ZSWIM5: variants seen among roughly 807,000 people sequenced by gnomAD.
ZSWIM5 encodes the protein zinc finger SWIM domain-containing protein 5.
ZSWIM5 carries 55 observed loss-of-function variants against 119.6 expected under a neutral mutation model. The ratio of observed to expected loss-of-function variants is 0.46; its 90% CI spans 0.37 to 0.58. The LOEUF (loss-of-function observed/expected upper bound fraction) is 0.58. ZSWIM5 is among the 20% of genes least tolerant of loss of function. The pLI is 0.00. For missense variants in ZSWIM5, 1,193 were observed against 1,512.8 expected (o/e 0.79, Z 3.51); for synonymous variants, 537 against 606.9 (o/e 0.88, Z 1.69).
At chr1:45,046,634 ATGTGTGTGTG>A (rs60762459) in intron 5 of ZSWIM5, among the ~76,000 whole-genome samples, 5 of 147,420 alleles carry the variant, frequency 3.4e-5, no homozygotes, top group East Asian at 4.0e-4. Context: ...TGGGCAAGAT[ATGTGTGTGTG>A]TGTGTGTGTG....
intron 1 of ZSWIM5, among the ~76,000 whole-genome samples, chr1:45,176,151 A>G (rs1645980007): frequency 6.7e-6 from 1 of 148,670 alleles, no homozygotes; most frequent in Admixed American, 6.8e-5. Flanking sequence ...TATATAATAT[A>G]TATTATATAT....
chr1:45,025,877 G>C (rs1644917668), intron 11 of ZSWIM5, among the ~76,000 whole-genome samples: 1 of 152,100 alleles, frequency 6.6e-6, no homozygotes, highest in Admixed American at 6.6e-5. Flanking sequence ...ATTAGTCAGG[G>C]AGCATCTGTG....
intron 1 of ZSWIM5, among the ~76,000 whole-genome samples, chr1:45,104,027 G>A (rs1645455202): frequency 6.6e-6 from 1 of 152,186 alleles, no homozygotes; most frequent in Admixed American, 6.5e-5. Context: ...AAAAGGATAT[G>A]CAAATATATA....
intron 1 of ZSWIM5, among the ~76,000 whole-genome samples, chr1:45,106,499 C>T (rs1198700060): frequency 2.1e-5 from 3 of 144,426 alleles, no homozygotes; most frequent in African/African-American, 7.7e-5. Flanking sequence ...GCCGCTCTTA[C>T]TCTGGGAGGT....
intron 1 of ZSWIM5, among the ~76,000 whole-genome samples, chr1:45,200,306 A>C (rs766346084): frequency 3.9e-5 from 6 of 152,200 alleles, no homozygotes; most frequent in Non-Finnish European, 8.8e-5. Flanking sequence ...TTAAATAAGT[A>C]TGATTTTCTT....
At chr1:45,041,541 C>CTTT (rs10700834) in intron 6 of ZSWIM5, among the ~76,000 whole-genome samples, 9,421 of 144,716 alleles carry the variant, frequency 0.065, 417 homozygotes, top group Non-Finnish European at 0.095. Flanking sequence ...TTTCTAGTAA[C>CTTT]TTTTTTTTTT....
intron 1 of ZSWIM5, among the ~76,000 whole-genome samples, chr1:45,149,772 T>C (rs1223944267): frequency 6.6e-6 from 1 of 152,224 alleles, no homozygotes; most frequent in African/African-American, 2.4e-5. Context: ...ATTTCAAGTT[T>C]ATCACATTCT....
intron 5 of ZSWIM5, among the ~76,000 whole-genome samples, chr1:45,050,053 T>C (rs542974928): frequency 6.6e-6 from 1 of 152,070 alleles, no homozygotes; most frequent in Non-Finnish European, 1.5e-5. Context: ...CCAATAGAGT[T>C]ATTTGAAATA....
chr1:45,043,206 G>C lies in ZSWIM5; in HGVS notation c.1609+13C>G. The C allele has an allele frequency of 6.2e-7, 1 of 1,612,534 alleles. No individual in the cohort carries two copies. Among genetic ancestry groups the C allele is most frequent in the Non-Finnish European group, 8.5e-7 (1 of 1,179,710 alleles). ...GGGTGGCTCTAAAGTTCTTAGAGGA[G>C]GGCTAGACTTACCAAGCCACAGTGG... On this transcript the variant is annotated intron_variant, in intron 6 of 13. Transcript: ENST00000359600.
chr1:45,130,365 A>AACACAC lies in ZSWIM5; in HGVS notation c.596-42134_596-42129dup, dbSNP rs3051045. ...TTTATAATATACAAAGAACACTTAAAACACACACACACACACACACACACA... is the reference window on the plus strand; with the variant it reads ...TTTATAATATACAAAGAACACTTAAAACACACACACACACACACACACACACACACA... On this transcript the variant is annotated intron_variant, in intron 1 of 13. Coordinates refer to ENST00000359600, the MANE Select transcript of ZSWIM5 (RefSeq NM_020883.2). Among the ~76,000 whole-genome samples, 47 of 149,766 alleles carry AACACAC rather than the reference A, an allele frequency of 3.1e-4. 1 individual carries two copies. Among genetic ancestry groups the AACACAC allele is most frequent in the Middle Eastern group, 6.9e-3 (2 of 290 alleles).
In ZSWIM5 at chr1:45,087,963, T is replaced by G; in HGVS notation, c.870A>C (p.Ala290=). 6.2e-7 allele frequency: 1 copy of G among 1,614,210 alleles called. No individual in the cohort carries two copies. The highest frequency in any genetic ancestry group is 8.5e-7 in the Non-Finnish European group (1 of 1,180,036). The part of the protein sequence containing the change: ...LQKFIQYLIT[A]HHTEVLPTAQ... The stretch of plus-strand genomic sequence containing the variant: ...CAGTAGGAAGAACTTCAGTGTGGTG[T>G]GCCGTGATTAAATATTGAATAAACT... Residue 290 remains alanine, a synonymous_variant, in exon 2 of 14, where the codon GCA becomes GCC. Transcript: ENST00000359600.
chr1:45,176,426 G>A (rs1181116708), intron 1 of ZSWIM5, among the ~76,000 whole-genome samples: 1 of 151,788 alleles, frequency 6.6e-6, no homozygotes, highest in Non-Finnish European at 1.5e-5. Flanking sequence ...ACCACACCGA[G>A]CTAATTTTTC....
At chr1:45,196,617 C>T (rs1646127399) in intron 1 of ZSWIM5, among the ~76,000 whole-genome samples, 2 of 150,358 alleles carry the variant, frequency 1.3e-5, no homozygotes, top group South Asian at 2.1e-4. Context: ...GTCTCGAGCT[C>T]CTGACCTCGT....
intron 5 of ZSWIM5, among the ~76,000 whole-genome samples, chr1:45,048,404 C>A (rs1462929322): frequency 6.6e-6 from 1 of 152,038 alleles, no homozygotes; most frequent in African/African-American, 2.4e-5. Flanking sequence ...CTGGAATGAA[C>A]TAAGTTTAGA....
intron 2 of ZSWIM5, among the ~76,000 whole-genome samples, chr1:45,078,071 A>C (rs774916119): frequency 3.2e-4 from 49 of 152,240 alleles, no homozygotes; most frequent in Non-Finnish European, 6.0e-4. Flanking sequence ...GACAGGATTA[A>C]GAGATTAAAG....
intron 1 of ZSWIM5, among the ~76,000 whole-genome samples, chr1:45,089,055 G>T (rs1462364493): frequency 6.6e-6 from 1 of 152,080 alleles, no homozygotes; most frequent in Non-Finnish European, 1.5e-5. Context: ...TGTCTCCTGG[G>T]CTCAAGTGAT....
At chr1:45,065,455 T>C (rs1182784920) in intron 2 of ZSWIM5, among the ~76,000 whole-genome samples, 1 of 152,108 alleles carries the variant, frequency 6.6e-6, no homozygotes, top group East Asian at 1.9e-4. Flanking sequence ...GTGGAGAACA[T>C]TTGGCACCCA....
chr1:45,169,944 C>T (rs948941579), intron 1 of ZSWIM5, among the ~76,000 whole-genome samples: 3 of 151,986 alleles, frequency 2.0e-5, no homozygotes, highest in African/African-American at 7.2e-5. Flanking sequence ...ACACGGTTAA[C>T]ATTTTACCTC....
chr1:45,087,518 C>A (rs1460511373), intron 2 of ZSWIM5, among the ~76,000 whole-genome samples: 1 of 152,228 alleles, frequency 6.6e-6, no homozygotes, highest in Non-Finnish European at 1.5e-5. Context: ...TCATATCCAT[C>A]TCAATTCACT....
Sources: gnomAD v4.1 joint callset for allele counts (sites outside exome capture counted in the v4.1 genomes callset) on GRCh38, gnomAD v4.1.1 for gene constraint, MANE v1.5 for transcripts, NCBI Gene and HGNC (gene_info 2026-07-23, HGNC 2026-07-21) for gene names.